SLC24A2: variants seen among roughly 807,000 people sequenced by gnomAD.
The protein encoded by SLC24A2 is solute carrier family 24 member 2.
SLC24A2 carries 36 observed loss-of-function variants against 62.0 expected under a neutral mutation model. The ratio of observed to expected loss-of-function variants is 0.58; its 90% CI spans 0.44 to 0.77. The LOEUF (loss-of-function observed/expected upper bound fraction) is 0.77, where lower values mean the gene tolerates loss of function less well. SLC24A2 is among the 30% of genes least tolerant of loss of function. SLC24A2 has a pLI of 0.00. For missense variants in SLC24A2, 846 were observed against 817.9 expected (o/e 1.03, Z -0.42); for synonymous variants, 358 against 294.0 (o/e 1.22, Z -2.23).
At chr9:20,002,758 A>T in the SLC24A2 span, among the ~76,000 whole-genome samples, 1 of 152,174 alleles carries the variant, frequency 6.6e-6, no homozygotes, top group East Asian at 1.9e-4. Context: ...ACAGCCAAAC[A>T]CTTCTGGATT....
the SLC24A2 span, among the ~76,000 whole-genome samples, chr9:19,931,355 T>C: frequency 6.6e-6 from 1 of 152,194 alleles, no homozygotes; most frequent in Non-Finnish European, 1.5e-5. Context: ...TAAAAATAGA[T>C]TTTTTTCACA....
At chr9:20,004,235 T>C in the SLC24A2 span, among the ~76,000 whole-genome samples, 1 of 152,210 alleles carries the variant, frequency 6.6e-6, no homozygotes. Flanking sequence ...GCTTCCCAAA[T>C]ACTTAGCCTC....
At chr9:19,876,234 A>G in the SLC24A2 span, among the ~76,000 whole-genome samples, 1 of 152,328 alleles carries the variant, frequency 6.6e-6, no homozygotes, top group African/African-American at 2.4e-5. Flanking sequence ...TCAATAGGTA[A>G]TAATAAGACA....
chr9:19,995,864 G>A, the SLC24A2 span, among the ~76,000 whole-genome samples: 1 of 152,218 alleles, frequency 6.6e-6, no homozygotes, highest in Non-Finnish European at 1.5e-5. Flanking sequence ...AAGGCAGCCT[G>A]GCCTAGGCCC....
At chr9:20,000,837 G>T in the SLC24A2 span, among the ~76,000 whole-genome samples, 6 of 152,136 alleles carry the variant, frequency 3.9e-5, no homozygotes, top group Non-Finnish European at 7.4e-5. Flanking sequence ...AAACTTTCAT[G>T]GGAAAAACAG....
At chr9:19,932,084 A>G in the SLC24A2 span, among the ~76,000 whole-genome samples, 1 of 152,222 alleles carries the variant, frequency 6.6e-6, no homozygotes, top group Non-Finnish European at 1.5e-5. Flanking sequence ...CCCATTAAAC[A>G]TGAGCGTATT....
the SLC24A2 span, among the ~76,000 whole-genome samples, chr9:20,283,670 T>C: frequency 6.8e-6 from 1 of 146,868 alleles, no homozygotes; most frequent in Non-Finnish European, 1.5e-5. Flanking sequence ...TAAAAGACGT[T>C]AGAACAGGAA....
chr9:19,543,435 G>A (rs1442082142), intron 8 of SLC24A2, among the ~76,000 whole-genome samples: 2 of 148,896 alleles, frequency 1.3e-5, no homozygotes, highest in East Asian at 2.0e-4. Context: ...ATCTCCTTCA[G>A]TTCTGCTCTG....
At chr9:20,083,932 C>G in the SLC24A2 span, among the ~76,000 whole-genome samples, 1 of 152,228 alleles carries the variant, frequency 6.6e-6, no homozygotes, top group Non-Finnish European at 1.5e-5. Context: ...ACTGTTAGCT[C>G]TGAGCCAAAG....
intron 7 of SLC24A2, among the ~76,000 whole-genome samples, chr9:19,562,321 C>T (rs898091188): frequency 3.9e-5 from 6 of 151,994 alleles, no homozygotes; most frequent in African/African-American, 1.4e-4. Flanking sequence ...TATTTCTTTC[C>T]AGAGTGGTAA....
chr9:19,530,401 G>A (rs1202898292), intron 8 of SLC24A2, among the ~76,000 whole-genome samples: 5 of 152,142 alleles, frequency 3.3e-5, no homozygotes, highest in African/African-American at 2.4e-5. Flanking sequence ...TGTGGCATAA[G>A]TACTAGATGT....
the SLC24A2 span, among the ~76,000 whole-genome samples, chr9:20,202,130 G>A: frequency 6.0e-5 from 9 of 151,080 alleles, 1 homozygote; most frequent in African/African-American, 1.9e-4. Context: ...GGAACACTCA[G>A]ATGCCCGCAA....
the SLC24A2 span, among the ~76,000 whole-genome samples, chr9:20,283,667 C>T: frequency 6.8e-6 from 1 of 146,574 alleles, no homozygotes; most frequent in Non-Finnish European, 1.5e-5. Flanking sequence ...TTTTAAAAGA[C>T]GTTAGAACAG....
At chr9:19,788,458 A>G (rs1349252913) in intron 1 of SLC24A2, 17 of 973,504 alleles carry the variant, frequency 1.7e-5, no homozygotes, top group Non-Finnish European at 2.1e-5. Flanking sequence ...CCGCGCCCCA[A>G]CTTTGCCTTG....
In SLC24A2 at chr9:19,635,816, C is replaced by T. The variant is rs187705137; in HGVS notation, c.931-13517G>A. Among the ~76,000 whole-genome samples, 12 of 152,260 alleles carry T rather than the reference C, an allele frequency of 7.9e-5. 1 individual carries two copies. Among genetic ancestry groups the T allele is most frequent in the Admixed American group, 3.9e-4 (6 of 15,292 alleles). On this transcript the variant is annotated intron_variant, in intron 2 of 10. Coordinates refer to ENST00000341998, the MANE Select transcript of SLC24A2 (RefSeq NM_020344.4). The stretch of plus-strand genomic sequence containing the variant: ...ATTTTAAAGTAAACTGCAGATGCCA[C>T]GACATCTTTGCCTTTAAACGTTTCA...
chr9:19,561,596 G>C (rs532366401), intron 7 of SLC24A2, among the ~76,000 whole-genome samples: 4 of 151,804 alleles, frequency 2.6e-5, no homozygotes, highest in Non-Finnish European at 5.9e-5. Context: ...CACCACACCT[G>C]GCTAATTTTT....
chr9:20,296,677 GT>G, the SLC24A2 span, among the ~76,000 whole-genome samples: 1 of 152,216 alleles, frequency 6.6e-6, no homozygotes, highest in African/African-American at 2.4e-5. Flanking sequence ...ACCCACTGTG[GT>G]TTTTGTTTGC....
chr9:19,866,360 A>T, the SLC24A2 span, among the ~76,000 whole-genome samples: 1 of 152,222 alleles, frequency 6.6e-6, no homozygotes, highest in Admixed American at 6.5e-5. Context: ...TATATATCCC[A>T]AAGAAAGGAA....
At chr9:19,552,478 G>T (rs1834892300) in intron 7 of SLC24A2, among the ~76,000 whole-genome samples, 1 of 152,060 alleles carries the variant, frequency 6.6e-6, no homozygotes, top group Non-Finnish European at 1.5e-5. Flanking sequence ...TTGGGGTACT[G>T]CATCATTCTT....
Sources: gnomAD v4.1 joint callset for allele counts (sites outside exome capture counted in the v4.1 genomes callset) on GRCh38, gnomAD v4.1.1 for gene constraint, MANE v1.5 for transcripts, NCBI Gene and HGNC (gene_info 2026-07-23, HGNC 2026-07-21) for gene names.